The following PSTPIP2 variants were observed in gnomAD, a reference collection of about 807,000 sequenced individuals.
PSTPIP2 encodes proline-serine-threonine phosphatase-interacting protein 2.
PSTPIP2 carries 33 observed loss-of-function variants against 63.3 expected under a neutral mutation model. The ratio of observed to expected loss-of-function variants is 0.52; its 90% CI spans 0.40 to 0.70. The LOEUF (loss-of-function observed/expected upper bound fraction) is 0.70, where lower values mean the gene tolerates loss of function less well. Among genes scored for constraint, PSTPIP2 ranks in the 30% least tolerant of loss-of-function variants. The probability of loss-of-function intolerance (pLI) is 0.00; values close to 1 mark genes in which losing one functional copy is unlikely to be tolerated. For missense variants in PSTPIP2, 312 were observed against 400.7 expected (o/e 0.78, Z 1.89); for synonymous variants, 125 against 132.7 (o/e 0.94, Z 0.40).
chr18:46,023,071 A>G (rs2144094548), intron 3 of PSTPIP2, among the ~76,000 whole-genome samples: 1 of 152,334 alleles, frequency 6.6e-6, no homozygotes, highest in East Asian at 1.9e-4. Flanking sequence ...TGATGAGAAC[A>G]CATGGACACG....
intron 1 of PSTPIP2, among the ~76,000 whole-genome samples, chr18:46,054,942 G>T (rs891845875): frequency 6.6e-6 from 1 of 152,060 alleles, no homozygotes; most frequent in African/African-American, 2.4e-5. Context: ...TTTAAAAATT[G>T]TTGAAAATGA....
Position 45,999,459 on chromosome 18 carries a change from C to G in PSTPIP2, c.493G>C (p.Val165Leu). Residue 165 changes from valine (V) to leucine (L), a missense_variant, in exon 7 of 15, where the codon GTG becomes CTG. Coordinates refer to ENST00000409746, the MANE Select transcript of PSTPIP2 (RefSeq NM_024430.4). ...ACCTTTTCTTGTTGCTTCGGGTTCA[C>G]CAGGTTGGCACTCCGGCTGACGGCC... ...EQAVSRSANLVNPKQQEKLFV... is the reference protein window; with the variant it reads ...EQAVSRSANLLNPKQQEKLFV... 1 of 1,614,190 alleles carries G rather than the reference C, an allele frequency of 6.2e-7. No homozygotes were observed. Among genetic ancestry groups the G allele is most frequent in the Non-Finnish European group, 8.5e-7 (1 of 1,180,038 alleles).
At chr18:46,028,461 G>T in intron 2 of PSTPIP2, 1 of 596,264 alleles carries the variant, frequency 1.7e-6, no homozygotes, top group Non-Finnish European at 3.2e-6. Context: ...AGACAAACCG[G>T]CCGTGGAGTG....
At chr18:46,051,091 T>G (rs1908566711) in intron 1 of PSTPIP2, among the ~76,000 whole-genome samples, 2 of 152,168 alleles carry the variant, frequency 1.3e-5, no homozygotes, top group Admixed American at 1.3e-4. Flanking sequence ...CTCGTACTCC[T>G]GACCTCAGGT....
At chr18:46,044,610 T>C (rs985547772) in intron 1 of PSTPIP2, among the ~76,000 whole-genome samples, 4 of 152,188 alleles carry the variant, frequency 2.6e-5, no homozygotes, top group African/African-American at 4.8e-5. Context: ...AAGGACTTCA[T>C]GTCTAAAACA....
intron 1 of PSTPIP2, among the ~76,000 whole-genome samples, chr18:46,064,654 A>C (rs1371638031): frequency 6.6e-6 from 1 of 151,848 alleles, no homozygotes; most frequent in African/African-American, 2.4e-5. Context: ...CACAGTGAGA[A>C]TGTGGGAGGG....
chr18:45,986,378 C>T (rs2051466389), intron 14 of PSTPIP2, among the ~76,000 whole-genome samples: 1 of 152,210 alleles, frequency 6.6e-6, no homozygotes, highest in Admixed American at 6.6e-5. Flanking sequence ...CACTCTTAGA[C>T]TCTGAGGAAC....
rs569083290 is a variant in PSTPIP2, at chr18:46,017,324, T to G, written c.213-1387A>C. On this transcript the variant is annotated intron_variant, in intron 3 of 14. Coordinates refer to ENST00000409746, the MANE Select transcript of PSTPIP2 (RefSeq NM_024430.4). ...CACTCTTTCTGGATGCCTTTAGGACTTTTTCATTAACTTGGATCTTACTCA... is the reference window on the plus strand; with the variant it reads ...CACTCTTTCTGGATGCCTTTAGGACGTTTTCATTAACTTGGATCTTACTCA... Among the ~76,000 whole-genome samples, 4 of 152,320 alleles carry G rather than the reference T, an allele frequency of 2.6e-5. No homozygotes were observed. The South Asian group carries it at 8.3e-4, about 32-fold the overall frequency.
At position 46,030,626 on chromosome 18, in the gene PSTPIP2, C is replaced by T. The variant is rs930385; in HGVS notation, c.135-5940G>A. Among the ~76,000 whole-genome samples the T allele has an allele frequency of 6.7e-3, 1,024 of 152,296 alleles. 6 individuals are homozygous for T. The highest frequency in any genetic ancestry group is 0.022 in the African/African-American group (918 of 41,564). ...TAATTGTCCTCTTACCACAATTATT[C>T]ATCCTGAAGATTTTAATTTGGATTC... On this transcript the variant is annotated intron_variant, in intron 2 of 14. Transcript: ENST00000409746.
intron 2 of PSTPIP2, among the ~76,000 whole-genome samples, chr18:46,025,875 C>T (rs1331630122): frequency 6.6e-6 from 1 of 152,220 alleles, no homozygotes; most frequent in Non-Finnish European, 1.5e-5. Flanking sequence ...CTGCCTCAGC[C>T]TCCCATGCAG....
chr18:46,043,210 A>C (rs1908254873), intron 1 of PSTPIP2, among the ~76,000 whole-genome samples: 1 of 138,960 alleles, frequency 7.2e-6, no homozygotes, highest in Admixed American at 7.6e-5. Context: ...ACATAGCGAA[A>C]CCTCACCTCT....
intron 8 of PSTPIP2, among the ~76,000 whole-genome samples, chr18:45,998,078 A>C (rs2051621890): frequency 6.6e-6 from 1 of 152,096 alleles, no homozygotes; most frequent in South Asian, 2.1e-4. Flanking sequence ...GGTTCTAAGG[A>C]AGAAGTGAAA....
At chr18:45,991,250 G>A (rs1050883988) in intron 12 of PSTPIP2, among the ~76,000 whole-genome samples, 1 of 152,150 alleles carries the variant, frequency 6.6e-6, no homozygotes, top group Admixed American at 6.5e-5. Context: ...AGCTTAGACT[G>A]CAAGCTGACT....
chr18:46,032,174 T>G (rs1907808682), intron 2 of PSTPIP2, among the ~76,000 whole-genome samples: 1 of 152,214 alleles, frequency 6.6e-6, no homozygotes, highest in South Asian at 2.1e-4. Flanking sequence ...GGCATCGTAC[T>G]AGGTGCTAAG....
At chr18:46,046,858 G>A (rs529378767) in intron 1 of PSTPIP2, among the ~76,000 whole-genome samples, 1 of 152,362 alleles carries the variant, frequency 6.6e-6, no homozygotes, top group East Asian at 1.9e-4. Flanking sequence ...CAGGGAGGAG[G>A]CCAGTTACTT....
chr18:46,059,149 G>A (rs1908894881), intron 1 of PSTPIP2, among the ~76,000 whole-genome samples: 1 of 151,612 alleles, frequency 6.6e-6, no homozygotes, highest in South Asian at 2.1e-4. Context: ...TGATTCTTCT[G>A]CCTCAGCCTC....
chr18:46,030,919 GT>G (rs890362584), intron 2 of PSTPIP2, among the ~76,000 whole-genome samples: 2 of 152,162 alleles, frequency 1.3e-5, no homozygotes, highest in Non-Finnish European at 2.9e-5. Context: ...TAGACAACTT[GT>G]TTTTTCCTTC....
chr18:45,999,358 C>T, intron 7 of PSTPIP2, 78 bp downstream of exon 7: 1 of 1,332,852 alleles, frequency 7.5e-7, no homozygotes. Context: ...AGGTTCATTT[C>T]TTATGAAGAT....
At chr18:45,991,817 C>T in intron 12 of PSTPIP2, 85 bp downstream of exon 12, 1 of 1,316,254 alleles carries the variant, frequency 7.6e-7, no homozygotes. Context: ...TAGATATGTT[C>T]CAATTCTAAC....
Sources: allele counts gnomAD v4.1 joint callset (sites outside exome capture counted in the v4.1 genomes callset), GRCh38; gene constraint gnomAD v4.1.1; transcripts MANE v1.5; gene names NCBI Gene and HGNC (gene_info 2026-07-23, HGNC 2026-07-21).